Variants in ALMS1 observed in about 807,000 individuals in gnomAD.
ALMS1 encodes centrosome-associated protein ALMS1.
ALMS1 carries 271 observed loss-of-function variants against 352.2 expected under a neutral mutation model. That is an observed-to-expected ratio of 0.77 (90% CI 0.70 to 0.85). The LOEUF (loss-of-function observed/expected upper bound fraction) is 0.85, where lower values mean the gene tolerates loss of function less well. Ranked by LOEUF, ALMS1 falls within the 40% of genes least tolerant of loss-of-function variation. The pLI is 0.00. For synonymous variants in ALMS1, 1,865 were observed against 1,761.2 expected, an observed-to-expected ratio of 1.06 and a Z score of -1.48; for missense variants, 5,445 against 4,870.7, an observed-to-expected ratio of 1.12 and a Z score of -3.51.
At chr2:73,473,623 C>T (rs1672513614) in intron 9 of ALMS1, among the ~76,000 whole-genome samples, 1 of 151,894 alleles carries the variant, frequency 6.6e-6, no homozygotes, top group African/African-American at 2.4e-5. Flanking sequence ...TGAACAATAC[C>T]ATCAGCAAAG....
intron 9 of ALMS1, among the ~76,000 whole-genome samples, chr2:73,482,327 T>G (rs1263532977): frequency 1.3e-5 from 2 of 152,216 alleles, no homozygotes; most frequent in Admixed American, 6.5e-5. Flanking sequence ...CTGCATCTAT[T>G]GAGAAAATCA....
rs1298993250 is a variant in ALMS1, at chr2:73,435,929, A to G, written c.1432+3638A>G. ...TTCAAATTGCTCTTTAAATCAGTTA[A>G]CAGAATACAGGAAATGAAGTATGTC... On this transcript the variant is annotated intron_variant, in intron 7 of 22. Transcript: ENST00000613296. 3.3e-5 allele frequency among the ~76,000 whole-genome samples: 5 copies of G among 152,178 alleles called. No individual in the cohort carries two copies. The South Asian group carries it at 1.0e-3, about 32-fold the overall frequency.
At chr2:73,487,477 C>G (rs1374509113) in intron 9 of ALMS1, among the ~76,000 whole-genome samples, 2 of 152,162 alleles carry the variant, frequency 1.3e-5, no homozygotes, top group African/African-American at 2.4e-5. Flanking sequence ...TTGGAAGACA[C>G]CAGGAACCAC....
chr2:73,535,079 G>C, intron 12 of ALMS1, 130 bp downstream of exon 12: 1 of 1,144,322 alleles, frequency 8.7e-7, no homozygotes, highest in Admixed American at 1.7e-5. Context: ...TTCATACCTT[G>C]ATCTCTGGTT....
chr2:73,433,573 T>C (rs537773547), intron 7 of ALMS1, among the ~76,000 whole-genome samples: 19 of 152,236 alleles, frequency 1.2e-4, no homozygotes, highest in African/African-American at 4.3e-4. Context: ...GATTGGATGG[T>C]AGAAATTGAA....
At chr2:73,434,674 G>A (rs1463692503) in intron 7 of ALMS1, among the ~76,000 whole-genome samples, 1 of 152,168 alleles carries the variant, frequency 6.6e-6, no homozygotes, top group Admixed American at 6.5e-5. Context: ...TTCAAAAGAA[G>A]GGTACTGAAG....
At chr2:73,430,398 C>G (rs1289462493) in intron 6 of ALMS1, among the ~76,000 whole-genome samples, 2 of 152,076 alleles carry the variant, frequency 1.3e-5, no homozygotes, top group Non-Finnish European at 2.9e-5. Context: ...TTTAATAGTT[C>G]TATATTTTGA....
Position 73,573,533 on chromosome 2 carries a change from A to T in ALMS1, c.11547+109A>T, listed in dbSNP as rs1416432235. 5 of 1,123,910 alleles carry T rather than the reference A, an allele frequency of 4.4e-6. No individual in the cohort carries two copies. The Admixed American group carries it at 5.9e-5, about 13-fold the overall frequency. The allele number at this position is 1,123,910 out of a possible 1,614,324, so 69.6% of individuals were successfully genotyped here. A position where few individuals can be genotyped will look rare whatever the true frequency, so the allele number is the denominator to read the frequency against. On this transcript the variant is annotated intron_variant, in intron 16 of 22. Transcript: ENST00000613296. ...ACAAGCCATTTGCCCTTTCCTCTCT[A>T]TACCATTTCTTACCAACTGGAAAAG... is the stretch of plus-strand genomic sequence containing the variant.
intron 16 of ALMS1, among the ~76,000 whole-genome samples, chr2:73,575,257 G>T (rs1675028219): frequency 1.3e-5 from 2 of 152,076 alleles, no homozygotes; most frequent in Non-Finnish European, 2.9e-5. Context: ...ATTCTTTTGG[G>T]TATATATCTA....
At chr2:73,507,975 T>C (rs1222409514) in intron 10 of ALMS1, among the ~76,000 whole-genome samples, 2 of 152,314 alleles carry the variant, frequency 1.3e-5, no homozygotes, top group Middle Eastern at 3.4e-3. Context: ...TGGTATGTTG[T>C]GCCTTTGTTC....
At chr2:73,414,725 T>C (rs7564890) in intron 2 of ALMS1, among the ~76,000 whole-genome samples, 45,585 of 151,786 alleles carry the variant, frequency 0.3, 8,390 homozygotes, top group African/African-American at 0.52. Flanking sequence ...TGGTTTTTTT[T>C]CTACTCATCT....
chr2:73,416,162 G>A (rs746784262), intron 2 of ALMS1, among the ~76,000 whole-genome samples: 2 of 152,148 alleles, frequency 1.3e-5, no homozygotes, highest in Non-Finnish European at 2.9e-5. Flanking sequence ...TTGGAATTCT[G>A]CTTTAAAACC....
chr2:73,455,344 G>T, intron 9 of ALMS1, 49 bp downstream of exon 9: 1 of 1,607,140 alleles, frequency 6.2e-7, no homozygotes, highest in South Asian at 1.1e-5. Flanking sequence ...AAGAATGGGT[G>T]ATGGAATTAG....
chr2:73,407,292 C>T (rs371606917), intron 1 of ALMS1, among the ~76,000 whole-genome samples: 1 of 152,186 alleles, frequency 6.6e-6, no homozygotes, highest in African/African-American at 2.4e-5. Context: ...GATCTGCCCT[C>T]ATGATTAATT....
intron 7 of ALMS1, among the ~76,000 whole-genome samples, chr2:73,439,643 C>A (rs566363897): frequency 6.6e-6 from 1 of 151,968 alleles, no homozygotes; most frequent in Admixed American, 6.5e-5. Flanking sequence ...CAGGTTCAAG[C>A]GATTCTCCTG....
At chr2:73,541,922 C>T (rs1227070117) in intron 12 of ALMS1, among the ~76,000 whole-genome samples, 3 of 152,148 alleles carry the variant, frequency 2.0e-5, no homozygotes, top group East Asian at 1.9e-4. Flanking sequence ...GATTCACAGC[C>T]GAATTGTACC....
chr2:73,488,391 G>A lies in ALMS1; in HGVS notation c.7675-1243G>A, dbSNP rs79936383. On this transcript the variant is annotated intron_variant, in intron 9 of 22. Coordinates refer to ENST00000613296, the MANE Select transcript of ALMS1 (RefSeq NM_001378454.1). ...CTCAACTTTGCTGTGTAATTGGAGC[G>A]GGAACCAGGAGTGGGGAGAGGCCTG... 6.7e-3 allele frequency among the ~76,000 whole-genome samples: 1,014 copies of A among 152,314 alleles called. 5 individuals are homozygous for A. The highest frequency in any genetic ancestry group is 9.8e-3 in the Non-Finnish European group (669 of 68,028).
At position 73,568,995 on chromosome 2, in the gene ALMS1, C is replaced by CTTTTTTTTTTTT. The variant is rs747436819; in HGVS notation, c.10385-3241_10385-3230dup. On this transcript the variant is annotated intron_variant, in intron 15 of 22. Coordinates refer to ENST00000613296, the MANE Select transcript of ALMS1 (RefSeq NM_001378454.1). ...AGCTTGCTTGCTGCTGCTTCTGCTTCTTTTTTTTTTTTTTTTTTTTTTTTT... is the reference window on the plus strand; with the variant it reads ...AGCTTGCTTGCTGCTGCTTCTGCTTCTTTTTTTTTTTTTTTTTTTTTTTTTTTTTTTTTTTTT... Among the ~76,000 whole-genome samples the CTTTTTTTTTTTT allele has an allele frequency of 9.3e-4, 50 of 53,552 alleles. 18 individuals are homozygous for CTTTTTTTTTTTT. Among genetic ancestry groups the CTTTTTTTTTTTT allele is most frequent in the South Asian group, 2.8e-3 (4 of 1,432 alleles). The allele number at this position is 53,552 out of a possible 152,430, so 35.1% of individuals were successfully genotyped here. A position where few individuals can be genotyped will look rare whatever the true frequency, so the allele number is the denominator to read the frequency against.
At chr2:73,599,742 G>C (rs1237941127) in intron 17 of ALMS1, among the ~76,000 whole-genome samples, 2 of 152,124 alleles carry the variant, frequency 1.3e-5, no homozygotes. Context: ...GGGAGTAGAA[G>C]TTGATTCACT....
Sources: allele counts gnomAD v4.1 joint callset (sites outside exome capture counted in the v4.1 genomes callset), GRCh38; gene constraint gnomAD v4.1.1; transcripts MANE v1.5; gene names NCBI Gene and HGNC (gene_info 2026-07-23, HGNC 2026-07-21).